CLPB: variants seen among roughly 807,000 people sequenced by gnomAD.
CLPB encodes mitochondrial disaggregase.
In CLPB, 40 loss-of-function variants were observed where a neutral mutation model predicts 78.4. The ratio of observed to expected loss-of-function variants is 0.51; its 90% CI spans 0.40 to 0.66. The LOEUF is 0.66. Among genes scored for constraint, CLPB ranks in the 30% least tolerant of loss-of-function variants. The pLI is 0.00. For missense variants in CLPB, 780 were observed against 886.9 expected (o/e 0.88, Z 1.53); for synonymous variants, 333 against 348.0 (o/e 0.96, Z 0.48).
At chr11:72,409,058 A>T (rs1447552834) in intron 2 of CLPB, among the ~76,000 whole-genome samples, 1 of 152,230 alleles carries the variant, frequency 6.6e-6, no homozygotes, top group Non-Finnish European at 1.5e-5. Flanking sequence ...GGATTCCATC[A>T]TCCCTGAGAT....
At chr11:72,307,160 T>G in intron 9 of CLPB, 39 bp downstream of exon 9, 1 of 1,589,184 alleles carries the variant, frequency 6.3e-7, no homozygotes, top group Non-Finnish European at 8.6e-7. Flanking sequence ...TGGTGAGGTC[T>G]CCACGATCTG....
At chr11:72,344,865 G>A (rs1463524926) in intron 5 of CLPB, among the ~76,000 whole-genome samples, 1 of 152,034 alleles carries the variant, frequency 6.6e-6, no homozygotes, top group Non-Finnish European at 1.5e-5. Flanking sequence ...ATAGAAAAGT[G>A]GGCAAAAGAC....
At position 72,372,973 on chromosome 11, in the gene CLPB, A is replaced by G. The variant is rs749611577; in HGVS notation, c.646+7308T>C. The G allele has an allele frequency of 9.3e-6, 15 of 1,614,028 alleles. No individual in the cohort carries two copies. In the South Asian group the frequency reaches 1.4e-4, roughly 15 times the overall value. On this transcript the variant is annotated intron_variant, in intron 4 of 15. Coordinates refer to ENST00000538039, the MANE Select transcript of CLPB (RefSeq NM_001258392.3). Reference sequence around the variant, plus strand: ...CTCCTGAACTCCAGGGCACTTGTCCACTGGTTTGTGATGTGCCGGCTTGCA... The same window carrying G: ...CTCCTGAACTCCAGGGCACTTGTCCGCTGGTTTGTGATGTGCCGGCTTGCA...
At chr11:72,416,750 A>G (rs539169320) in intron 2 of CLPB, among the ~76,000 whole-genome samples, 12 of 151,780 alleles carry the variant, frequency 7.9e-5, no homozygotes, top group East Asian at 3.9e-4. Context: ...AAAAAAAAAA[A>G]AAAAAGAAAA....
At chr11:72,329,834 T>C (rs1297600123) in intron 5 of CLPB, 30 bp from the exon 6 acceptor site, 2 of 1,559,128 alleles carry the variant, frequency 1.3e-6, no homozygotes, top group African/African-American at 2.7e-5. Flanking sequence ...AAACAGAGGC[T>C]CTATGAACGA....
At chr11:72,415,362 T>G (rs980909899) in intron 2 of CLPB, among the ~76,000 whole-genome samples, 3 of 152,180 alleles carry the variant, frequency 2.0e-5, no homozygotes, top group African/African-American at 7.2e-5. Context: ...CACACCATAG[T>G]TGTCTGATGG....
intron 4 of CLPB, among the ~76,000 whole-genome samples, chr11:72,366,239 G>C (rs1196221757): frequency 6.7e-6 from 1 of 150,214 alleles, no homozygotes; most frequent in African/African-American, 2.5e-5. Flanking sequence ...TTTTGAGATG[G>C]AGTCTCATTT....
chr11:72,308,311 A>T (rs909376289), intron 8 of CLPB, among the ~76,000 whole-genome samples: 1 of 152,114 alleles, frequency 6.6e-6, no homozygotes, highest in Non-Finnish European at 1.5e-5. Flanking sequence ...CACAACTTCC[A>T]GAGGGAGGGG....
At chr11:72,341,640 A>G (rs1248448050) in intron 5 of CLPB, among the ~76,000 whole-genome samples, 1 of 152,228 alleles carries the variant, frequency 6.6e-6, no homozygotes, top group African/African-American at 2.4e-5. Flanking sequence ...TATGCTAGGT[A>G]GTGAACAGTT....
At chr11:72,382,025 T>C (rs1854931676) in intron 3 of CLPB, among the ~76,000 whole-genome samples, 1 of 151,924 alleles carries the variant, frequency 6.6e-6, no homozygotes, top group Admixed American at 6.5e-5. Context: ...CTCACAGACC[T>C]ACCCTCTGGG....
chr11:72,354,738 A>G (rs936274965), intron 5 of CLPB: 22 of 168,776 alleles, frequency 1.3e-4, no homozygotes, highest in Admixed American at 8.2e-4. Flanking sequence ...GGCGGTTGGG[A>G]GTAGAAGACT....
At chr11:72,318,098 G>A (rs1273479800) in intron 6 of CLPB, among the ~76,000 whole-genome samples, 1 of 152,218 alleles carries the variant, frequency 6.6e-6, no homozygotes, top group Non-Finnish European at 1.5e-5. Context: ...AAACAAGTTT[G>A]GTGAATATAA....
chr11:72,408,283 C>T (rs1855769252), intron 2 of CLPB: 1 of 999,848 alleles, frequency 1.0e-6, no homozygotes, highest in Non-Finnish European at 1.5e-6. Context: ...CACTTACTAG[C>T]TGTGAAATGG....
At chr11:72,410,293 T>A (rs1174662561) in intron 2 of CLPB, among the ~76,000 whole-genome samples, 1 of 152,186 alleles carries the variant, frequency 6.6e-6, no homozygotes, top group Non-Finnish European at 1.5e-5. Context: ...GGTGGATGAA[T>A]GAATGACTTA....
Position 72,302,293 on chromosome 11 carries a change from T to C in CLPB, c.1167+11A>G, listed in dbSNP as rs779882583. 1 of 1,613,982 alleles carries C rather than the reference T, an allele frequency of 6.2e-7. No homozygotes were observed. Among genetic ancestry groups the C allele is most frequent in the South Asian group, 1.1e-5 (1 of 91,076 alleles). ...CAAACCATGCTTCAATCAAGGACTG[T>C]CATCACTCACCTCGTGTCGCTCCTG... On this transcript the variant is annotated intron_variant, in intron 10 of 15. Transcript: ENST00000538039.
chr11:72,358,604 G>C (rs1276213021), intron 5 of CLPB, among the ~76,000 whole-genome samples: 1 of 152,124 alleles, frequency 6.6e-6, no homozygotes, highest in African/African-American at 2.4e-5. Context: ...AGGATGACAT[G>C]GTGTATCACA....
At chr11:72,331,259 C>T (rs117902312) in intron 5 of CLPB, among the ~76,000 whole-genome samples, 1 of 151,720 alleles carries the variant, frequency 6.6e-6, no homozygotes. Flanking sequence ...AAAACATTAG[C>T]CGGGCGTGGT....
intron 4 of CLPB, among the ~76,000 whole-genome samples, chr11:72,377,311 G>C (rs1481268909): frequency 6.6e-6 from 1 of 152,136 alleles, no homozygotes; most frequent in Non-Finnish European, 1.5e-5. Flanking sequence ...ATCCAAGTAA[G>C]AACATGACGG....
intron 5 of CLPB, chr11:72,357,231 A>G (rs1460756823): frequency 6.8e-6 from 1 of 146,832 alleles, no homozygotes; most frequent in African/African-American, 2.7e-5. Flanking sequence ...AAGTGGCAAG[A>G]TTACGTGCGT....
Sources: allele counts gnomAD v4.1 joint callset (sites outside exome capture counted in the v4.1 genomes callset), GRCh38; gene constraint gnomAD v4.1.1; transcripts MANE v1.5; gene names NCBI Gene and HGNC (gene_info 2026-07-23, HGNC 2026-07-21).